The following TM9SF2 variants were observed in gnomAD, a reference collection of about 807,000 sequenced individuals.
TM9SF2 encodes the protein 76 kDa membrane protein.
A neutral mutation model predicts 84.9 loss-of-function variants in TM9SF2; 13 were observed. That is an observed-to-expected ratio of 0.15 (90% CI 0.10 to 0.24). The LOEUF (loss-of-function observed/expected upper bound fraction) is 0.24, where lower values mean the gene tolerates loss of function less well. TM9SF2 is among the 10% of genes least tolerant of loss of function. The pLI is 1.00. For synonymous variants in TM9SF2, 273 were observed against 285.8 expected (o/e 0.96, Z 0.45); for missense variants, 562 against 818.5 (o/e 0.69, Z 3.82).
intron 1 of TM9SF2, among the ~76,000 whole-genome samples, chr13:99,515,272 A>G (rs1407240139): frequency 6.6e-6 from 1 of 152,180 alleles, no homozygotes; most frequent in Non-Finnish European, 1.5e-5. Context: ...TGTTAAATGG[A>G]TCATTTGAAT....
At chr13:99,531,696 CT>C (rs1334053660) in intron 4 of TM9SF2, among the ~76,000 whole-genome samples, 4 of 152,164 alleles carry the variant, frequency 2.6e-5, no homozygotes, top group Non-Finnish European at 5.9e-5. Flanking sequence ...GCCTGTTATG[CT>C]TGTGTCAGCT....
chr13:99,529,239 C>T (rs1386693017), intron 3 of TM9SF2, among the ~76,000 whole-genome samples: 1 of 151,658 alleles, frequency 6.6e-6, no homozygotes, highest in Admixed American at 6.6e-5. Context: ...ATTGAAATTA[C>T]CAAAAAGAAC....
At chr13:99,553,870 T>C (rs938079486) in intron 13 of TM9SF2, among the ~76,000 whole-genome samples, 13 of 152,168 alleles carry the variant, frequency 8.5e-5, no homozygotes, top group Non-Finnish European at 1.8e-4. Flanking sequence ...CTTAGTAAAA[T>C]TGAGCAATTT....
chr13:99,519,323 C>A (rs770205234), intron 2 of TM9SF2, among the ~76,000 whole-genome samples: 1 of 151,518 alleles, frequency 6.6e-6, no homozygotes, highest in Admixed American at 6.6e-5. Context: ...ACCAGAGACC[C>A]ACCTTCCTCT....
At chr13:99,527,988 T>C (rs1163865816) in intron 3 of TM9SF2, among the ~76,000 whole-genome samples, 1 of 152,212 alleles carries the variant, frequency 6.6e-6, no homozygotes. Context: ...TTCAGAATTA[T>C]TCCAAGGAGA....
intron 10 of TM9SF2, 110 bp from the exon 11 acceptor site, chr13:99,546,875 C>G (rs778603389): frequency 1.9e-4 from 277 of 1,463,146 alleles, no homozygotes; most frequent in Non-Finnish European, 2.5e-4. Flanking sequence ...CATGGTTTTG[C>G]GTGAAGTTGT....
At chr13:99,552,437 G>T (rs1177011163) in intron 13 of TM9SF2, 111 bp downstream of exon 13, 9 of 1,081,194 alleles carry the variant, frequency 8.3e-6, no homozygotes, top group African/African-American at 6.4e-5. Context: ...TGTCCTTTAG[G>T]ATCTGGATTT....
At chr13:99,508,301 G>C (rs1312947504) in intron 1 of TM9SF2, among the ~76,000 whole-genome samples, 2 of 151,934 alleles carry the variant, frequency 1.3e-5, no homozygotes, top group African/African-American at 4.8e-5. Context: ...TGATAATCTA[G>C]AGTCATCTGT....
chr13:99,545,655 C>G (rs184269899), intron 10 of TM9SF2, among the ~76,000 whole-genome samples: 8 of 152,132 alleles, frequency 5.3e-5, no homozygotes, highest in Middle Eastern at 3.4e-3. Context: ...AAACCTCCAC[C>G]TCCTAGGTCC....
intron 10 of TM9SF2, 29 bp from the exon 11 acceptor site, chr13:99,546,956 T>C (rs372139829): frequency 3.2e-4 from 522 of 1,613,850 alleles, no homozygotes; most frequent in Non-Finnish European, 4.3e-4. Context: ...AGTAATAACA[T>C]GTACAGCCTT....
At chr13:99,551,627 T>A (rs13378845) in intron 12 of TM9SF2, among the ~76,000 whole-genome samples, 153 of 152,290 alleles carry the variant, frequency 1.0e-3, no homozygotes, top group African/African-American at 3.5e-3. Context: ...ACCATATTTT[T>A]AAAAATGTAT....
Position 99,539,493 on chromosome 13 carries a change from T to G in TM9SF2, c.764T>G (p.Met255Arg). ...IDKPDCSGPP[M>R]DISNKASGEI... ...AAACCAGACTGCTCAGGGCCCCCCA[T>G]GGACATAAGTAACAAGGCTTCTGGG... The change falls in exon 7 of 17, where the codon ATG becomes AGG. Residue 255 changes from methionine (M) to arginine (R), a missense_variant. Around this residue, in one of 4 missense-constraint regions of TM9SF2, gnomAD observed 267 missense variants for 316.7 expected, o/e 0.84. Coordinates refer to ENST00000376387, the MANE Select transcript of TM9SF2 (RefSeq NM_004800.3). 1 of 1,613,972 alleles carries G rather than the reference T, an allele frequency of 6.2e-7. No individual in the cohort carries two copies. Among genetic ancestry groups the G allele is most frequent in the Non-Finnish European group, 8.5e-7 (1 of 1,179,866 alleles).
At chr13:99,502,601 T>C (rs990252462) in intron 1 of TM9SF2, among the ~76,000 whole-genome samples, 1 of 152,228 alleles carries the variant, frequency 6.6e-6, no homozygotes. Flanking sequence ...GGTTTTCAGT[T>C]TAATTGCTAG....
intron 4 of TM9SF2, among the ~76,000 whole-genome samples, chr13:99,535,919 T>G (rs2046232020): frequency 6.6e-6 from 1 of 152,198 alleles, no homozygotes; most frequent in Admixed American, 6.5e-5. Flanking sequence ...CTTGAAAGAT[T>G]TGGTTCGCTA....
At chr13:99,520,751 G>T (rs2046155927) in intron 3 of TM9SF2, among the ~76,000 whole-genome samples, 1 of 152,128 alleles carries the variant, frequency 6.6e-6, no homozygotes, top group Non-Finnish European at 1.5e-5. Flanking sequence ...TGTATTTTTA[G>T]TAGAGATGGG....
intron 1 of TM9SF2, among the ~76,000 whole-genome samples, chr13:99,510,452 A>C (rs1230887650): frequency 2.6e-5 from 4 of 152,238 alleles, no homozygotes; most frequent in Non-Finnish European, 5.9e-5. Flanking sequence ...AAAGAGGTTT[A>C]ATTGGCTCAC....
chr13:99,505,480 T>C (rs371838418), intron 1 of TM9SF2, among the ~76,000 whole-genome samples: 1 of 152,234 alleles, frequency 6.6e-6, no homozygotes, highest in Non-Finnish European at 1.5e-5. Flanking sequence ...TGTTTTACTT[T>C]CATTGCTATT....
At chr13:99,503,738 A>G (rs867495268) in intron 1 of TM9SF2, among the ~76,000 whole-genome samples, 9 of 151,106 alleles carry the variant, frequency 6.0e-5, no homozygotes, top group African/African-American at 2.2e-4. Flanking sequence ...AAAAAGAAGA[A>G]GAAGTGACAT....
Position 99,550,596 on chromosome 13 carries a change from G to A in TM9SF2, c.1328+1374G>A, listed in dbSNP as rs538628681. Reference sequence around the variant, plus strand: ...GTGTTTACCAGCAGGTAAATAGAGCGTGCTAAGAACTCAAGTATTCAGGGG... The same window carrying A: ...GTGTTTACCAGCAGGTAAATAGAGCATGCTAAGAACTCAAGTATTCAGGGG... On this transcript the variant is annotated intron_variant, in intron 12 of 16. Coordinates refer to ENST00000376387, the MANE Select transcript of TM9SF2 (RefSeq NM_004800.3). Among the ~76,000 whole-genome samples, 11 of 152,202 alleles carry A rather than the reference G, an allele frequency of 7.2e-5. No individual in the cohort carries two copies. The South Asian group carries it at 1.5e-3, about 20-fold the overall frequency.
Sources: gnomAD v4.1 joint callset for allele counts (sites outside exome capture counted in the v4.1 genomes callset) on GRCh38, gnomAD v4.1.1 for gene constraint, gnomAD v4.1.1 regional missense constraint, MANE v1.5 for transcripts, NCBI Gene and HGNC (gene_info 2026-07-23, HGNC 2026-07-21) for gene names.